MBNL2: variants seen among roughly 807,000 people sequenced by gnomAD.
The protein encoded by MBNL2 is muscleblind-like protein 2.
A neutral mutation model predicts 41.9 loss-of-function variants in MBNL2; 17 were observed. The observed-to-expected ratio is 0.41, with a 90% CI of 0.28 to 0.61. MBNL2 has a LOEUF of 0.61. Ranked by LOEUF, MBNL2 falls within the 20% of genes least tolerant of loss-of-function variation. The probability of loss-of-function intolerance (pLI) is 0.35; values close to 1 mark genes in which losing one functional copy is unlikely to be tolerated. For missense variants in MBNL2, 336 were observed against 505.6 expected (o/e 0.66, Z 3.22); for synonymous variants, 195 against 182.9 (o/e 1.07, Z -0.53).
At chr13:97,200,719 C>A in the MBNL2 span, among the ~76,000 whole-genome samples, 1 of 152,202 alleles carries the variant, frequency 6.6e-6, no homozygotes, top group East Asian at 1.9e-4. Flanking sequence ...CTACAGACAC[C>A]ACTGAAAGAC....
rs1243247890 is a variant in MBNL2 at position 97,346,851 on chromosome 13, C to G, written c.588C>G (p.Asp196Glu). 1 of 1,613,962 alleles carries G rather than the reference C, an allele frequency of 6.2e-7. No homozygotes were observed. Among genetic ancestry groups the G allele is most frequent in the Non-Finnish European group, 8.5e-7 (1 of 1,179,938 alleles). Residue 196 changes from aspartate (D) to glutamate (E), a missense_variant, in exon 5 of 9, where the codon GAC (aspartate) becomes GAG (glutamate). By Grantham distance (45) the Asp-to-Glu change is conservative. Coordinates refer to ENST00000679496, the MANE Select transcript of MBNL2 (RefSeq NM_001382683.1). This position sits in a 1 kb window ranked among gnomAD's most constrained non-coding sequence, Gnocchi z 4.2. ...GAAACTGTGCCCGGGGAGAGACCGA[C>G]TGCCGCTTTGCACACCCCGCAGACA... ...QRGNCARGETDCRFAHPADST... is the reference protein window; with the variant it reads ...QRGNCARGETECRFAHPADST...
In MBNL2 at chr13:97,381,062, CCTCT is replaced by C. The variant is rs200879470; in HGVS notation, c.1049-10253_1049-10250del. Among the ~76,000 whole-genome samples, 1,454 of 151,576 alleles carry C rather than the reference CCTCT, an allele frequency of 9.6e-3. 19 individuals carry two copies. Among genetic ancestry groups the C allele is most frequent in the Middle Eastern group, 0.024 (7 of 292 alleles). ...CACACAATTGAGTGGTTTTTGTTAA[CCTCT>C]CTCTCTATCTCTCCCTCTCTGTCCC... On this transcript the variant is annotated intron_variant, in intron 8 of 8. Transcript: ENST00000679496.
intron 3 of MBNL2, among the ~76,000 whole-genome samples, chr13:97,341,656 C>T (rs1231871544): frequency 6.6e-6 from 1 of 152,132 alleles, no homozygotes; most frequent in Admixed American, 6.5e-5. Context: ...CCCTCTAAGA[C>T]CATTAGAACC....
At chr13:97,315,867 C>G (rs1566411874) in intron 2 of MBNL2, among the ~76,000 whole-genome samples, 1 of 151,680 alleles carries the variant, frequency 6.6e-6, no homozygotes, top group African/African-American at 2.4e-5. Context: ...TGTGGAAGGC[C>G]TTGCTCGTGG....
chr13:97,164,880 G>A, the MBNL2 span, among the ~76,000 whole-genome samples: 15 of 152,208 alleles, frequency 9.9e-5, no homozygotes, highest in Admixed American at 4.6e-4. Context: ...GGGCTGAATC[G>A]AGCAGTTCTC....
At chr13:97,260,416 C>T (rs538143616) in intron 1 of MBNL2, among the ~76,000 whole-genome samples, 1 of 152,310 alleles carries the variant, frequency 6.6e-6, no homozygotes, top group African/African-American at 2.4e-5. Flanking sequence ...GATCTGATTA[C>T]ATTTTCAAAG....
intron 1 of MBNL2, among the ~76,000 whole-genome samples, chr13:97,259,582 G>A (rs921244977): frequency 4.6e-5 from 7 of 152,152 alleles, no homozygotes; most frequent in Admixed American, 4.6e-4. Context: ...CGGCTCAAAA[G>A]GCCTGCTGAC....
At chr13:97,218,270 C>T (rs1221568017), upstream of MBNL2, among the ~76,000 whole-genome samples, 2 of 151,712 alleles carry the variant, frequency 1.3e-5, no homozygotes, top group South Asian at 2.1e-4. Context: ...ATTAGCTGGG[C>T]GTGGTGGCGG....
chr13:97,145,601 C>T, the MBNL2 span, among the ~76,000 whole-genome samples: 3 of 152,124 alleles, frequency 2.0e-5, no homozygotes, highest in African/African-American at 4.8e-5. Flanking sequence ...GTTGGCAGCA[C>T]GTATTCTGTT....
At chr13:97,203,654 G>A in the MBNL2 span, among the ~76,000 whole-genome samples, 9 of 152,034 alleles carry the variant, frequency 5.9e-5, no homozygotes, top group Admixed American at 3.9e-4. Flanking sequence ...GTCAAGCACC[G>A]CCTGACTCTT....
chr13:97,177,479 G>A, the MBNL2 span, among the ~76,000 whole-genome samples: 1 of 152,118 alleles, frequency 6.6e-6, no homozygotes. Flanking sequence ...AACTCTGTAG[G>A]AGTTTCAGAA....
chr13:97,276,575 T>G (rs901036317), intron 2 of MBNL2, among the ~76,000 whole-genome samples, 166 bp downstream of exon 2: 1 of 152,214 alleles, frequency 6.6e-6, no homozygotes, highest in Non-Finnish European at 1.5e-5. Context: ...ATATCAGGCA[T>G]ATATAAATTT....
rs552120232 is a variant in MBNL2, at chr13:97,314,930, T to A, written c.175-19346T>A. Reference sequence around the variant, plus strand: ...ACTCAATATGTAAAATAGAATGATATGAAATTCAGGGATTTATAAGAATCA... The same window carrying A: ...ACTCAATATGTAAAATAGAATGATAAGAAATTCAGGGATTTATAAGAATCA... On this transcript the variant is annotated intron_variant, in intron 2 of 8. Coordinates refer to ENST00000679496, the MANE Select transcript of MBNL2 (RefSeq NM_001382683.1). Among the ~76,000 whole-genome samples, 6 of 152,302 alleles carry A rather than the reference T, an allele frequency of 3.9e-5. No individual in the cohort carries two copies. The East Asian group carries it at 1.2e-3, about 29-fold the overall frequency.
chr13:97,143,919 C>T, the MBNL2 span, among the ~76,000 whole-genome samples: 1 of 152,196 alleles, frequency 6.6e-6, no homozygotes, highest in South Asian at 2.1e-4. Flanking sequence ...TCTCCTCTCA[C>T]TGCAATCTCT....
chr13:97,263,934 A>G (rs1383697981), intron 1 of MBNL2, among the ~76,000 whole-genome samples: 2 of 151,544 alleles, frequency 1.3e-5, no homozygotes, highest in Non-Finnish European at 2.9e-5. Flanking sequence ...TTATTTTTTT[A>G]ATTATTAGAC....
intron 2 of MBNL2, among the ~76,000 whole-genome samples, chr13:97,306,857 CA>C (rs1328078572): frequency 6.6e-6 from 1 of 152,122 alleles, no homozygotes; most frequent in Non-Finnish European, 1.5e-5. Flanking sequence ...GCAACAAGAA[CA>C]AGGCTCAAGG....
At chr13:97,157,114 C>A in the MBNL2 span, among the ~76,000 whole-genome samples, 3 of 148,926 alleles carry the variant, frequency 2.0e-5, no homozygotes, top group East Asian at 4.0e-4. Flanking sequence ...CTTCACATCC[C>A]TTGTAAGTTG....
At chr13:97,311,551 TAAAAG>T (rs929425697) in intron 2 of MBNL2, among the ~76,000 whole-genome samples, 11 of 152,174 alleles carry the variant, frequency 7.2e-5, no homozygotes, top group Admixed American at 4.6e-4. Flanking sequence ...ATTTTTTAAT[TAAAAG>T]AAAAGAGATT....
intron 2 of MBNL2, among the ~76,000 whole-genome samples, chr13:97,277,305 A>G (rs2052364958): frequency 6.6e-6 from 1 of 152,224 alleles, no homozygotes; most frequent in East Asian, 1.9e-4. Flanking sequence ...TCCTACAGGC[A>G]TAATAATATT....
Sources: allele counts gnomAD v4.1 joint callset (sites outside exome capture counted in the v4.1 genomes callset), GRCh38; gene constraint gnomAD v4.1.1; non-coding constraint Gnocchi (gnomAD v3.1); transcripts MANE v1.5; gene names NCBI Gene and HGNC (gene_info 2026-07-23, HGNC 2026-07-21).